ANKFY1: variants seen among roughly 807,000 people sequenced by gnomAD.
The protein encoded by ANKFY1 is ankyrin repeat and FYVE domain-containing protein 1.
In ANKFY1, 47 loss-of-function variants were observed where a neutral mutation model predicts 128.3. The observed-to-expected ratio is 0.37, with a 90% confidence interval of 0.29 to 0.47. The LOEUF (loss-of-function observed/expected upper bound fraction) is 0.47. ANKFY1 is among the 20% of genes least tolerant of loss of function. The pLI is 1.00. For synonymous variants in ANKFY1, 553 were observed against 601.6 expected, an observed-to-expected ratio of 0.92 and a Z score of 1.18; for missense variants, 1,222 against 1,510.6, an observed-to-expected ratio of 0.81 and a Z score of 3.17.
Position 4,181,526 on chromosome 17 carries a change from A to G in ANKFY1, c.2122-154T>C, listed in dbSNP as rs1311567847. On this transcript the variant is annotated intron_variant, in intron 15 of 24. Transcript: ENST00000341657. The surrounding 1 kb of genome is among the most constrained non-coding windows in gnomAD (Gnocchi z 4.9). ...ATTACTTTAATCTGTATCACTCATT[A>G]TTTTACAAACACTAATTAAAATTTG... 6.6e-6 allele frequency among the ~76,000 whole-genome samples: 1 copy of G among 152,222 alleles called. No individual in the cohort carries two copies. Among genetic ancestry groups the G allele is most frequent in the African/African-American group, 2.4e-5 (1 of 41,448 alleles).
chr17:4,171,137 G>C (rs553369424), intron 22 of ANKFY1, among the ~76,000 whole-genome samples: 11 of 152,348 alleles, frequency 7.2e-5, no homozygotes, highest in Admixed American at 3.3e-4. Flanking sequence ...GGCTGCAAGA[G>C]AGCTGAGGTC....
intron 12 of ANKFY1, 29 bp from the exon 13 acceptor site, chr17:4,183,939 T>A (rs765531051): frequency 3.2e-6 from 5 of 1,561,058 alleles, no homozygotes; most frequent in Non-Finnish European, 3.5e-6. Flanking sequence ...AAAAGAACAC[T>A]TGATGTCACC....
intron 1 of ANKFY1, among the ~76,000 whole-genome samples, chr17:4,260,340 G>A (rs1014547920): frequency 6.6e-6 from 1 of 152,112 alleles, no homozygotes; most frequent in Non-Finnish European, 1.5e-5. Context: ...CTTAGGGCTG[G>A]GAGCGGTGGC....
intron 1 of ANKFY1, among the ~76,000 whole-genome samples, chr17:4,261,297 T>C (rs1968402027): frequency 6.6e-6 from 1 of 152,198 alleles, no homozygotes; most frequent in African/African-American, 2.4e-5. Flanking sequence ...AAGACCAGCC[T>C]AGCCAACACA....
At chr17:4,171,740 C>T (rs529642256) in intron 22 of ANKFY1, among the ~76,000 whole-genome samples, 9 of 152,228 alleles carry the variant, frequency 5.9e-5, no homozygotes, top group East Asian at 5.8e-4. Context: ...ACAGTGCGCA[C>T]GTAGCAAAGG....
intron 7 of ANKFY1, among the ~76,000 whole-genome samples, chr17:4,199,292 G>C (rs2059884653): frequency 3.3e-5 from 5 of 152,230 alleles, no homozygotes; most frequent in Admixed American, 3.3e-4. Flanking sequence ...TGGCTCAGAG[G>C]ATTCTCCTAA....
chr17:4,263,365 G>A (rs1968524331), intron 1 of ANKFY1, among the ~76,000 whole-genome samples: 1 of 152,136 alleles, frequency 6.6e-6, no homozygotes, highest in Non-Finnish European at 1.5e-5. Flanking sequence ...CCTTCCTCCC[G>A]TCTTCATCTG....
rs374421490 is a variant in ANKFY1, at chr17:4,260,906, G to T, written c.10+3026C>A. On this transcript the variant is annotated intron_variant, in intron 1 of 24. Transcript: ENST00000341657. ...CCATTATCAGGGAAGTTCCCATAGT[G>T]TGTTTACAGATCATTCAAGTTATAT... 3.9e-5 allele frequency among the ~76,000 whole-genome samples: 6 copies of T among 152,256 alleles called. No individual in the cohort carries two copies. The South Asian group carries it at 8.3e-4, about 21-fold the overall frequency.
intron 11 of ANKFY1, chr17:4,187,047 G>C (rs1275251394): frequency 4.1e-6 from 5 of 1,222,308 alleles, no homozygotes; most frequent in Non-Finnish European, 5.1e-6. Flanking sequence ...GTGGTTTCTG[G>C]TTCCACGGAT....
intron 7 of ANKFY1, among the ~76,000 whole-genome samples, chr17:4,204,184 C>T (rs2059983374): frequency 6.6e-6 from 1 of 152,206 alleles, no homozygotes; most frequent in African/African-American, 2.4e-5. Flanking sequence ...AAAACTCCTA[C>T]AGGAACTGGA....
chr17:4,192,164 T>A (rs2059728887), intron 10 of ANKFY1, among the ~76,000 whole-genome samples: 1 of 148,076 alleles, frequency 6.8e-6, no homozygotes, highest in Non-Finnish European at 1.5e-5. Flanking sequence ...TGCTCTAATC[T>A]GGAGACTCCT....
Position 4,181,228 on chromosome 17 carries a change from T to G in ANKFY1, c.2240+26A>C, listed in dbSNP as rs368651722. On this transcript the variant is annotated intron_variant, in intron 16 of 24. Transcript: ENST00000341657. This position sits in a 1 kb window ranked among gnomAD's most constrained non-coding sequence, Gnocchi z 4.9. ...TTGCAACAAGCTCACTAAAAAGCTG[T>G]GGAGAGATACTGGGGACTCTCAGAC... The G allele has an allele frequency of 5.2e-5, 82 of 1,580,580 alleles. No homozygotes were observed. In the African/African-American group the frequency reaches 9.0e-4, roughly 17 times the overall value.
Position 4,184,892 on chromosome 17 carries a change from T to TG in ANKFY1, c.1624dup (p.His542ProfsTer13), listed in dbSNP as rs1228982283. On this transcript the variant is annotated frameshift_variant, in exon 12 of 25. Transcript: ENST00000341657. LOFTEE classifies it high-confidence loss of function. ...CGCCATGTGCAGTGGCGTCTGCAGA[T>TG]GGACGCTGTCCGCCAAGCTGGTCAG... The TG allele has an allele frequency of 6.2e-7, 1 of 1,614,108 alleles. No individual in the cohort carries two copies. The highest frequency in any genetic ancestry group is 8.5e-7 in the Non-Finnish European group (1 of 1,180,038).
intron 1 of ANKFY1, among the ~76,000 whole-genome samples, chr17:4,255,638 G>T (rs894203211): frequency 5.9e-5 from 9 of 152,068 alleles, no homozygotes; most frequent in Non-Finnish European, 1.2e-4. Flanking sequence ...GATTGTAAAG[G>T]CTGTGATAAC....
chr17:4,217,949 A>G (rs949674061), intron 3 of ANKFY1, among the ~76,000 whole-genome samples: 1 of 152,186 alleles, frequency 6.6e-6, no homozygotes, highest in African/African-American at 2.4e-5. Flanking sequence ...CTCCTAAAGC[A>G]TTAGGATTAC....
intron 1 of ANKFY1, among the ~76,000 whole-genome samples, chr17:4,261,079 G>A (rs1968390395): frequency 1.3e-5 from 2 of 152,212 alleles, no homozygotes; most frequent in Non-Finnish European, 2.9e-5. Context: ...TGCATAGCAA[G>A]CACCTTCAGA....
intron 7 of ANKFY1, among the ~76,000 whole-genome samples, chr17:4,199,701 T>A (rs2059892582): frequency 6.6e-6 from 1 of 152,224 alleles, no homozygotes; most frequent in Non-Finnish European, 1.5e-5. Flanking sequence ...AACTCGGAAC[T>A]AAGCAATCTG....
At chr17:4,204,148 T>C (rs747025100) in intron 7 of ANKFY1, among the ~76,000 whole-genome samples, 2 of 152,188 alleles carry the variant, frequency 1.3e-5, no homozygotes, top group Non-Finnish European at 2.9e-5. Flanking sequence ...ATTAAAGACT[T>C]TCACTCTTTA....
At chr17:4,226,080 T>A (rs142405273) in intron 3 of ANKFY1, among the ~76,000 whole-genome samples, 1 of 152,136 alleles carries the variant, frequency 6.6e-6, no homozygotes, top group Non-Finnish European at 1.5e-5. Flanking sequence ...TTTAAAATGA[T>A]AAAAGCAACA....
Sources: allele counts gnomAD v4.1 joint callset (sites outside exome capture counted in the v4.1 genomes callset), GRCh38; gene constraint gnomAD v4.1.1; non-coding constraint Gnocchi (gnomAD v3.1); transcripts MANE v1.5; gene names NCBI Gene and HGNC (gene_info 2026-07-23, HGNC 2026-07-21).